The following LRRN1 variants were observed in gnomAD, a reference collection of about 807,000 sequenced individuals.
LRRN1 encodes leucine-rich repeat neuronal protein 1.
LRRN1 carries 14 observed loss-of-function variants against 45.8 expected under a neutral mutation model. The observed-to-expected ratio is 0.31, with a 90% CI of 0.20 to 0.48. The LOEUF is 0.48. Ranked by LOEUF, LRRN1 falls within the 20% of genes least tolerant of loss-of-function variation. LRRN1 has a pLI of 0.99. For missense variants in LRRN1, 789 were observed against 874.2 expected (o/e 0.90, Z 1.23); for synonymous variants, 359 against 330.1 (o/e 1.09, Z -0.95).
chr3:3,801,440 G>A (rs1214186052), intron 1 of LRRN1, among the ~76,000 whole-genome samples: 2 of 152,176 alleles, frequency 1.3e-5, no homozygotes, highest in Non-Finnish European at 2.9e-5. Context: ...AAAAGCTAGG[G>A]CTGGAGGAGT....
chr3:3,836,937 C>T (rs1201087293), intron 1 of LRRN1, among the ~76,000 whole-genome samples: 1 of 152,144 alleles, frequency 6.6e-6, no homozygotes, highest in African/African-American at 2.4e-5. Context: ...TTGGGCCAAA[C>T]CTGGGACTGG....
chr3:3,843,972 C>G (rs1693699778), intron 1 of LRRN1, among the ~76,000 whole-genome samples: 1 of 152,076 alleles, frequency 6.6e-6, no homozygotes, highest in Admixed American at 6.6e-5. Flanking sequence ...CTAAAGACAT[C>G]TTTGTTTTTA....
intron 1 of LRRN1, among the ~76,000 whole-genome samples, chr3:3,833,194 G>T (rs1559301258): frequency 6.6e-6 from 1 of 152,206 alleles, no homozygotes; most frequent in Non-Finnish European, 1.5e-5. Context: ...TCCCAACTGG[G>T]ATGAGTGGGT....
chr3:3,821,207 G>GCTATTTAA (rs761868570), intron 1 of LRRN1, among the ~76,000 whole-genome samples: 5 of 152,148 alleles, frequency 3.3e-5, no homozygotes, highest in Non-Finnish European at 7.3e-5. Flanking sequence ...GTGGCCACTG[G>GCTATTTAA]TTACATCTGG....
chr3:3,815,595 C>G (rs1041306725), intron 1 of LRRN1, among the ~76,000 whole-genome samples: 2 of 152,164 alleles, frequency 1.3e-5, no homozygotes, highest in Non-Finnish European at 2.9e-5. Flanking sequence ...TACTTGCTCA[C>G]ATTTTGTGCT....
intron 1 of LRRN1, among the ~76,000 whole-genome samples, chr3:3,801,724 C>CT (rs1168012593): frequency 1.3e-5 from 2 of 152,206 alleles, no homozygotes; most frequent in Non-Finnish European, 2.9e-5. Context: ...GAGCCAAATT[C>CT]TTTAAGTGCT....
chr3:3,825,221 C>A (rs754381935), intron 1 of LRRN1, among the ~76,000 whole-genome samples: 3 of 152,184 alleles, frequency 2.0e-5, no homozygotes, highest in Non-Finnish European at 4.4e-5. Flanking sequence ...GGCCAACCCT[C>A]CTGAAAGGGC....
chr3:3,838,836 A>G (rs77140185), intron 1 of LRRN1, among the ~76,000 whole-genome samples: 2 of 152,122 alleles, frequency 1.3e-5, no homozygotes, highest in East Asian at 3.8e-4. Context: ...AGAATTGTCT[A>G]TTTAAGCCCT....
intron 1 of LRRN1, among the ~76,000 whole-genome samples, chr3:3,811,936 C>T (rs1692878803): frequency 2.0e-5 from 3 of 152,152 alleles, no homozygotes; most frequent in African/African-American, 4.8e-5. Context: ...AACTTTGTCA[C>T]GTAATAGCTG....
intron 1 of LRRN1, among the ~76,000 whole-genome samples, chr3:3,834,525 G>GATATATATATATAT (rs71040093): frequency 0.028 from 768 of 27,248 alleles, 104 homozygotes; most frequent in Non-Finnish European, 0.043. Context: ...GACAGAACAG[G>GATATATATATATAT]ATATATATAT....
At position 3,845,825 on chromosome 3, in the gene LRRN1, T is replaced by C. The variant is rs372211080; in HGVS notation, c.1184T>C (p.Leu395Pro). ...ACCAACATCCGCTTCATGGAGCCCCTGTCCATGTTCTGTGCCATGCCGCCC... is the reference window on the plus strand; with the variant it reads ...ACCAACATCCGCTTCATGGAGCCCCCGTCCATGTTCTGTGCCATGCCGCCC... ...NKTNIRFMEP[L>P]SMFCAMPPEY... The change falls in exon 2 of 2, where the codon CTG (leucine) becomes CCG (proline). Residue 395 changes from leucine to proline, a missense_variant. By Grantham distance (98) the Leu-to-Pro change is moderately conservative. Coordinates refer to ENST00000319331, the MANE Select transcript of LRRN1 (RefSeq NM_020873.7). The surrounding 1 kb of genome is among the most constrained non-coding windows in gnomAD (Gnocchi z 6.5). The C allele has an allele frequency of 1.2e-6, 2 of 1,614,040 alleles. No individual in the cohort carries two copies. The highest frequency in any genetic ancestry group is 8.5e-7 in the Non-Finnish European group (1 of 1,180,042).
chr3:3,824,620 A>G (rs1693176850), intron 1 of LRRN1, among the ~76,000 whole-genome samples: 1 of 152,174 alleles, frequency 6.6e-6, no homozygotes, highest in South Asian at 2.1e-4. Context: ...AAAGGTCAAA[A>G]TGGAGGTTAT....
intron 1 of LRRN1, among the ~76,000 whole-genome samples, chr3:3,843,552 A>G (rs1258766313): frequency 6.6e-6 from 1 of 151,052 alleles, no homozygotes; most frequent in East Asian, 2.0e-4. Context: ...TGTAGCCTTT[A>G]GCACCCTTCC....
intron 1 of LRRN1, among the ~76,000 whole-genome samples, chr3:3,822,582 G>C (rs181406856): frequency 2.8e-4 from 43 of 152,214 alleles, no homozygotes; most frequent in Non-Finnish European, 5.1e-4. Context: ...AAATGCTTCA[G>C]GTGTCATTCA....
chr3:3,836,156 T>C (rs1164805593), intron 1 of LRRN1, among the ~76,000 whole-genome samples: 1 of 152,222 alleles, frequency 6.6e-6, no homozygotes, highest in African/African-American at 2.4e-5. Flanking sequence ...AATTTGTATA[T>C]GTTATAAAAG....
chr3:3,834,821 C>G (rs919970425), intron 1 of LRRN1, among the ~76,000 whole-genome samples: 4 of 151,442 alleles, frequency 2.6e-5, no homozygotes, highest in African/African-American at 7.3e-5. Flanking sequence ...GTTTTTCTGC[C>G]TGCTTTATAT....
rs1433229888 is a variant in LRRN1, at chr3:3,848,064, A to G, written c.*1272A>G. The stretch of plus-strand genomic sequence containing the variant: ...CCTGATTTTCTTTTGTAGTATCCAC[A>G]TTCTTCATCAAAGTACAAAAACGTC... On this transcript the variant is annotated 3_prime_UTR_variant, in exon 2 of 2. Transcript: ENST00000319331. Among the ~76,000 whole-genome samples the G allele has an allele frequency of 6.6e-6, 1 of 152,160 alleles. No individual in the cohort carries two copies. Among genetic ancestry groups the G allele is most frequent in the Non-Finnish European group, 1.5e-5 (1 of 68,020 alleles).
At chr3:3,835,570 C>A (rs925099904) in intron 1 of LRRN1, among the ~76,000 whole-genome samples, 1 of 148,944 alleles carries the variant, frequency 6.7e-6, no homozygotes, top group Non-Finnish European at 1.5e-5. Context: ...TTTCTCCAAC[C>A]CCAGAGCTGC....
At position 3,845,966 on chromosome 3, in the gene LRRN1, CG is replaced by C; in HGVS notation, c.1327del (p.Val443PhefsTer3). ...PNRLNVDIGT[T>X]VFLDCRAMAE... ...CGTTTAAACGTGGATATCGGCACGA[CG>C]GTTTTCCTAGACTGTCGAGCCATGG... is the stretch of plus-strand genomic sequence containing the variant. On this transcript the variant is annotated frameshift_variant, in exon 2 of 2. Transcript: ENST00000319331. LOFTEE classifies it high-confidence loss of function. The surrounding 1 kb of genome is among the most constrained non-coding windows in gnomAD (Gnocchi z 6.5). The C allele has an allele frequency of 6.2e-7, 1 of 1,614,070 alleles. No individual in the cohort carries two copies. Among genetic ancestry groups the C allele is most frequent in the Non-Finnish European group, 8.5e-7 (1 of 1,179,970 alleles).
Sources: allele counts gnomAD v4.1 joint callset (sites outside exome capture counted in the v4.1 genomes callset), GRCh38; gene constraint gnomAD v4.1.1; non-coding constraint Gnocchi (gnomAD v3.1); transcripts MANE v1.5; gene names NCBI Gene and HGNC (gene_info 2026-07-23, HGNC 2026-07-21).